GPHN: variants seen among roughly 807,000 people sequenced by gnomAD.
GPHN encodes the protein gephyrin.
A neutral mutation model predicts 95.5 loss-of-function variants in GPHN; 17 were observed. The observed-to-expected ratio is 0.18, with a 90% CI of 0.12 to 0.27. GPHN has a LOEUF of 0.27. Ranked by LOEUF, GPHN falls within the 10% of genes least tolerant of loss-of-function variation. GPHN has a pLI of 1.00. For synonymous variants in GPHN, 320 were observed against 322.5 expected, an observed-to-expected ratio of 0.99 and a Z score of 0.08; for missense variants, 660 against 978.1, an observed-to-expected ratio of 0.67 and a Z score of 4.34.
intron 1 of GPHN, chr14:66,508,913 G>A: frequency 2.6e-6 from 1 of 385,378 alleles, no homozygotes; most frequent in South Asian, 2.3e-5. Context: ...GGTGCAGGCG[G>A]CGGGATCCCG....
chr14:67,197,652 A>G, the GPHN span, among the ~76,000 whole-genome samples: 1 of 152,154 alleles, frequency 6.6e-6, no homozygotes, highest in Non-Finnish European at 1.5e-5. Flanking sequence ...AATAGTCTGG[A>G]AAAAGTGTTC....
intron 1 of GPHN, among the ~76,000 whole-genome samples, chr14:66,594,315 A>AT (rs1566671483): frequency 6.6e-6 from 1 of 150,580 alleles, no homozygotes; most frequent in Non-Finnish European, 1.5e-5. Context: ...GAAAAAAAAA[A>AT]TCCTAAAATT....
At chr14:66,979,438 A>G (rs972810426) in intron 9 of GPHN, among the ~76,000 whole-genome samples, 1 of 152,208 alleles carries the variant, frequency 6.6e-6, no homozygotes, top group Non-Finnish European at 1.5e-5. Context: ...CTCTTATGTT[A>G]TAGAGACATC....
chr14:67,025,815 A>G (rs2073895668), intron 10 of GPHN, among the ~76,000 whole-genome samples: 1 of 152,208 alleles, frequency 6.6e-6, no homozygotes, highest in Non-Finnish European at 1.5e-5. Context: ...ATGCCATTAT[A>G]TGACTTAACC....
chr14:66,966,147 TTTTA>T (rs1176782136), intron 9 of GPHN, among the ~76,000 whole-genome samples: 1 of 152,112 alleles, frequency 6.6e-6, no homozygotes, highest in African/African-American at 2.4e-5. Flanking sequence ...ACTAAATTTG[TTTTA>T]GGATTCTGAC....
At chr14:67,092,138 A>G (rs528698537) in intron 12 of GPHN, among the ~76,000 whole-genome samples, 1 of 152,216 alleles carries the variant, frequency 6.6e-6, no homozygotes, top group African/African-American at 2.4e-5. Flanking sequence ...TTTCCAGTTT[A>G]TACCTCCTCA....
the GPHN span, chr14:67,302,281 G>A: frequency 9.5e-7 from 1 of 1,057,100 alleles, no homozygotes; most frequent in Non-Finnish European, 1.3e-6. Flanking sequence ...CTCTAGTTGT[G>A]TAAATAAATT....
In GPHN at chr14:66,932,766, C is replaced by G. The variant is rs575517588; in HGVS notation, c.828+8474C>G. ...GAGTCCTGCGAGGCCTGTATCTCTC[C>G]CTTCAGGACAGTGAATGCCTTTCTG... is the stretch of plus-strand genomic sequence containing the variant. On this transcript the variant is annotated intron_variant, in intron 8 of 22. Coordinates refer to ENST00000478722, the MANE Select transcript of GPHN (RefSeq NM_020806.5). 9.2e-5 allele frequency among the ~76,000 whole-genome samples: 14 copies of G among 151,762 alleles called. No homozygotes were observed. The South Asian group carries it at 1.7e-3, about 18-fold the overall frequency.
chr14:67,588,687 C>G, the GPHN span: 1 of 152,426 alleles, frequency 6.6e-6, no homozygotes, highest in Non-Finnish European at 1.5e-5. Context: ...TTTCCTAGCT[C>G]TAAGGCAGCC....
chr14:67,728,258 TA>T, the GPHN span: 2 of 152,176 alleles, frequency 1.3e-5, no homozygotes, highest in African/African-American at 4.8e-5. Flanking sequence ...AAATAAACAA[TA>T]ACTATTACAA....
At chr14:67,227,238 G>A in the GPHN span, among the ~76,000 whole-genome samples, 28 of 151,856 alleles carry the variant, frequency 1.8e-4, no homozygotes, top group Non-Finnish European at 2.9e-4. Context: ...TCAGGAGTTC[G>A]AGACCAGCCT....
chr14:66,522,113 G>A (rs969235642), intron 1 of GPHN, among the ~76,000 whole-genome samples: 1 of 152,076 alleles, frequency 6.6e-6, no homozygotes, highest in Non-Finnish European at 1.5e-5. Flanking sequence ...GTGATGTGAA[G>A]GGTGGTTAAT....
intron 18 of GPHN, among the ~76,000 whole-genome samples, chr14:67,150,371 G>A (rs1282255248): frequency 1.4e-5 from 2 of 147,148 alleles, no homozygotes; most frequent in East Asian, 2.0e-4. Flanking sequence ...AACCCGGGAG[G>A]CGGAGCTTGC....
chr14:66,548,589 G>T (rs769030759), intron 1 of GPHN, among the ~76,000 whole-genome samples: 3 of 152,134 alleles, frequency 2.0e-5, no homozygotes, highest in Non-Finnish European at 4.4e-5. Context: ...CATCTCTCTC[G>T]CTGTCTCCTC....
intron 4 of GPHN, among the ~76,000 whole-genome samples, chr14:66,837,059 A>G (rs1191155453): frequency 6.6e-6 from 1 of 150,604 alleles, no homozygotes; most frequent in East Asian, 2.0e-4. Context: ...ATCTAGAACT[A>G]GAAATACCAT....
intron 20 of GPHN, among the ~76,000 whole-genome samples, chr14:67,167,770 A>C (rs750907677): frequency 1.3e-5 from 2 of 152,192 alleles, no homozygotes; most frequent in Non-Finnish European, 2.9e-5. Flanking sequence ...AGATCTTGAG[A>C]ATCATGTAGT....
chr14:67,200,226 C>G, the GPHN span: 15 of 1,012,150 alleles, frequency 1.5e-5, no homozygotes, highest in Non-Finnish European at 2.0e-5. Context: ...TGGCCCTCCA[C>G]AACCCACACC....
At chr14:66,957,698 G>A (rs1852977327) in intron 8 of GPHN, among the ~76,000 whole-genome samples, 1 of 152,048 alleles carries the variant, frequency 6.6e-6, no homozygotes, top group Admixed American at 6.6e-5. Context: ...GGTCTAGTTG[G>A]TTTATAGTGT....
At chr14:67,319,610 TAAAA>T in the GPHN span, among the ~76,000 whole-genome samples, 3 of 128,592 alleles carry the variant, frequency 2.3e-5, no homozygotes, top group Admixed American at 7.8e-5. Context: ...GCTGATGAGC[TAAAA>T]AAAAAAAAAA....
Sources: gnomAD v4.1 joint callset for allele counts (sites outside exome capture counted in the v4.1 genomes callset) on GRCh38, gnomAD v4.1.1 for gene constraint, MANE v1.5 for transcripts, NCBI Gene and HGNC (gene_info 2026-07-23, HGNC 2026-07-21) for gene names.